The following SMG6 variants were observed in gnomAD, a reference collection of about 807,000 sequenced individuals.
The protein encoded by SMG6 is telomerase-binding protein EST1A.
A neutral mutation model predicts 142.2 loss-of-function variants in SMG6; 66 were observed. The observed-to-expected ratio is 0.46, with a 90% confidence interval of 0.38 to 0.57. The LOEUF (loss-of-function observed/expected upper bound fraction) is 0.57. SMG6 is among the 20% of genes least tolerant of loss of function. The pLI is 0.00. For synonymous variants in SMG6, 779 were observed against 702.4 expected, an observed-to-expected ratio of 1.11 and a Z score of -1.72; for missense variants, 1,793 against 1,832.0, an observed-to-expected ratio of 0.98 and a Z score of 0.39.
intron 9 of SMG6, among the ~76,000 whole-genome samples, chr17:2,238,463 G>A (rs1188312843): frequency 2.0e-5 from 3 of 152,002 alleles, no homozygotes; most frequent in Admixed American, 6.6e-5. Flanking sequence ...TTTTCCCCAC[G>A]GGCTCTAACA....
At chr17:2,196,680 T>C (rs2072338536) in intron 10 of SMG6, among the ~76,000 whole-genome samples, 1 of 152,176 alleles carries the variant, frequency 6.6e-6, no homozygotes, top group African/African-American at 2.4e-5. Flanking sequence ...TGTAGAACAT[T>C]TCAAACAATT....
chr17:2,102,161 T>C (rs2069025857), intron 13 of SMG6, among the ~76,000 whole-genome samples: 2 of 152,204 alleles, frequency 1.3e-5, no homozygotes, highest in Admixed American at 1.3e-4. Flanking sequence ...CTAATAACTC[T>C]GAAGATCTAT....
intron 10 of SMG6, among the ~76,000 whole-genome samples, chr17:2,217,289 G>C (rs1350507991): frequency 6.6e-6 from 1 of 151,632 alleles, no homozygotes; most frequent in African/African-American, 2.4e-5. Flanking sequence ...AAAATACAGA[G>C]AAAAAAGAAA....
intron 13 of SMG6, among the ~76,000 whole-genome samples, chr17:2,108,816 C>A (rs972460905): frequency 7.2e-5 from 11 of 151,756 alleles, no homozygotes; most frequent in African/African-American, 2.4e-4. Flanking sequence ...TGGTGGCGGG[C>A]GCCTGTAATC....
intron 13 of SMG6, among the ~76,000 whole-genome samples, chr17:2,103,115 T>C (rs1179375962): frequency 6.6e-6 from 1 of 152,238 alleles, no homozygotes; most frequent in Non-Finnish European, 1.5e-5. Flanking sequence ...CAGACATCTC[T>C]TCAACCAACT....
rs1418172148 is a variant in SMG6, at chr17:2,060,710, G to A, written c.*782C>T. 2 of 152,470 alleles carry A rather than the reference G, an allele frequency of 1.3e-5. No individual in the cohort carries two copies. The highest frequency in any genetic ancestry group is 4.8e-5 in the African/African-American group (2 of 41,426). The allele number at this position is 152,470 out of a possible 1,614,324, so 9.4% of individuals were successfully genotyped here. A position where few individuals can be genotyped will look rare whatever the true frequency, so the allele number is the denominator to read the frequency against. On this transcript the variant is annotated 3_prime_UTR_variant, in exon 19 of 19. Coordinates refer to ENST00000263073, the MANE Select transcript of SMG6 (RefSeq NM_017575.5). ...GAAGAGGAAGCTAGACGGAAAGAAA[G>A]GCCAGTGAGGAGAGAGGGAGCAGGT...
rs1337626256 is a variant in SMG6, at chr17:2,103,659, G to GCT, written c.3358-17760_3358-17759dup. Among the ~76,000 whole-genome samples the GCT allele has an allele frequency of 2.0e-5, 3 of 152,144 alleles. No individual in the cohort carries two copies. In the East Asian group the frequency reaches 5.8e-4, roughly 29 times the overall value. Reference sequence around the variant, plus strand: ...TCCAGCAGGCAGTGGGGAACGGCTGGCTCTCGCCCCACGCTCTTCTTGTGA... The same window carrying GCT: ...TCCAGCAGGCAGTGGGGAACGGCTGGCTCTCTCGCCCCACGCTCTTCTTGTGA... On this transcript the variant is annotated intron_variant, in intron 13 of 18. Coordinates refer to ENST00000263073, the MANE Select transcript of SMG6 (RefSeq NM_017575.5).
In SMG6 at chr17:2,061,515, G is replaced by A; in HGVS notation, c.4237C>T (p.Leu1413Phe). The change falls in exon 19 of 19, where the codon CTC becomes TTC. Residue 1413 changes from leucine to phenylalanine, a missense_variant. Physicochemically the swap from Leu to Phe is conservative, Grantham distance 22. Transcript: ENST00000263073. ...NVPVRDIPAF[L>F]TWAQVG ...CCTCAGCCCACCTGGGCCCACGTGA[G>A]GAAGGCTGGGATGTCCCGTACAGGA... 1 of 1,574,580 alleles carries A rather than the reference G, an allele frequency of 6.4e-7. No homozygotes were observed. Among genetic ancestry groups the A allele is most frequent in the South Asian group, 1.2e-5 (1 of 86,098 alleles).
chr17:2,256,951 GGTATGTAT>G (rs66868460), intron 8 of SMG6, among the ~76,000 whole-genome samples: 86,770 of 151,142 alleles, frequency 0.57, 26,069 homozygotes, highest in East Asian at 0.75. Context: ...CCCAGACAAA[GGTATGTAT>G]GTATGTATGT....
At chr17:2,069,027 C>T (rs1239031807) in intron 15 of SMG6, 96 bp from the exon 16 acceptor site, 6 of 1,231,504 alleles carry the variant, frequency 4.9e-6, no homozygotes, top group Non-Finnish European at 5.8e-6. Context: ...CATCCTGCCC[C>T]TAGGAACCTC....
intron 13 of SMG6, among the ~76,000 whole-genome samples, chr17:2,119,981 T>C (rs928869716): frequency 5.3e-5 from 8 of 152,092 alleles, no homozygotes; most frequent in Non-Finnish European, 1.2e-4. Context: ...TAACGTCTTA[T>C]ATTTTTAGTA....
intron 13 of SMG6, among the ~76,000 whole-genome samples, chr17:2,130,823 G>A (rs2070096592): frequency 6.6e-6 from 1 of 151,640 alleles, no homozygotes; most frequent in Non-Finnish European, 1.5e-5. Context: ...TGGCCAACAT[G>A]GTGAAACCCG....
chr17:2,198,960 A>T lies in SMG6; in HGVS notation c.2870-10445T>A, dbSNP rs1314065703. On this transcript the variant is annotated intron_variant, in intron 10 of 18. Coordinates refer to ENST00000263073, the MANE Select transcript of SMG6 (RefSeq NM_017575.5). ...AAAATAAAATAAAATTAAAAAAAAAAAAAAAAAAAAAAAAGAAAAGTTCAC... is the reference window on the plus strand; with the variant it reads ...AAAATAAAATAAAATTAAAAAAAAATAAAAAAAAAAAAAAGAAAAGTTCAC... 2.7e-5 allele frequency among the ~76,000 whole-genome samples: 4 copies of T among 150,492 alleles called. 1 individual carries two copies. The highest frequency in any genetic ancestry group is 6.6e-5 in the Admixed American group (1 of 15,202).
At chr17:2,181,116 A>T (rs1359925505) in intron 12 of SMG6, among the ~76,000 whole-genome samples, 1 of 152,232 alleles carries the variant, frequency 6.6e-6, no homozygotes, top group African/African-American at 2.4e-5. Flanking sequence ...TCAATCTGTA[A>T]GGTCAGTGGG....
intron 13 of SMG6, among the ~76,000 whole-genome samples, chr17:2,114,122 T>C (rs1322402249): frequency 9.9e-5 from 15 of 151,646 alleles, no homozygotes; most frequent in Non-Finnish European, 5.9e-5. Flanking sequence ...ATACAAAAAT[T>C]AGCTGGGCAC....
At chr17:2,301,485 T>TGAGACATA (rs2075275346) in intron 1 of SMG6, among the ~76,000 whole-genome samples, 1 of 152,200 alleles carries the variant, frequency 6.6e-6, no homozygotes, top group African/African-American at 2.4e-5. Flanking sequence ...ATGGAAAGAT[T>TGAGACATA]GTGACATACT....
intron 13 of SMG6, among the ~76,000 whole-genome samples, chr17:2,124,057 G>C (rs749921783): frequency 6.6e-6 from 1 of 152,190 alleles, no homozygotes; most frequent in Non-Finnish European, 1.5e-5. Context: ...AAATCAGACT[G>C]CACACACTGA....
chr17:2,243,754 T>C (rs75729726), intron 9 of SMG6, among the ~76,000 whole-genome samples: 5,301 of 152,204 alleles, frequency 0.035, 136 homozygotes, highest in Middle Eastern at 0.061. Context: ...ACATTGACAA[T>C]AACTGGGGTA....
intron 8 of SMG6, among the ~76,000 whole-genome samples, chr17:2,256,807 T>G (rs2074191226): frequency 6.6e-6 from 1 of 151,786 alleles, no homozygotes; most frequent in Admixed American, 6.6e-5. Flanking sequence ...TTGATACGGA[T>G]TAAATAGGTT....
Sources: gnomAD v4.1 joint callset for allele counts (sites outside exome capture counted in the v4.1 genomes callset) on GRCh38, gnomAD v4.1.1 for gene constraint, MANE v1.5 for transcripts, NCBI Gene and HGNC (gene_info 2026-07-23, HGNC 2026-07-21) for gene names.